Variants in CNTN5 observed in about 807,000 individuals in gnomAD.
CNTN5 encodes the protein contactin-5.
A neutral mutation model predicts 129.1 loss-of-function variants in CNTN5; 77 were observed. The observed-to-expected ratio is 0.60, with a 90% CI of 0.50 to 0.72. CNTN5 has a LOEUF of 0.72. Among genes scored for constraint, CNTN5 ranks in the 30% least tolerant of loss-of-function variants. The pLI, the probability that CNTN5 is intolerant of heterozygous loss-of-function variation, is 0.00. For synonymous variants in CNTN5, 509 were observed against 465.6 expected, an observed-to-expected ratio of 1.09 and a Z score of -1.20; for missense variants, 1,478 against 1,328.8, an observed-to-expected ratio of 1.11 and a Z score of -1.75.
intron 8 of CNTN5, among the ~76,000 whole-genome samples, chr11:100,001,261 G>A (rs908655237): frequency 6.6e-6 from 1 of 152,148 alleles, no homozygotes; most frequent in African/African-American, 2.4e-5. Flanking sequence ...AGACGAGAGA[G>A]AACAGGGAAA....
At chr11:100,271,448 T>C (rs544546211) in intron 18 of CNTN5, among the ~76,000 whole-genome samples, 1 of 152,326 alleles carries the variant, frequency 6.6e-6, no homozygotes, top group South Asian at 2.1e-4. Flanking sequence ...ACAAATACAG[T>C]CATCTAAATG....
intron 15 of CNTN5, among the ~76,000 whole-genome samples, chr11:100,223,071 G>C (rs1003836861): frequency 2.6e-4 from 39 of 152,166 alleles, no homozygotes; most frequent in African/African-American, 9.4e-4. Flanking sequence ...TAGTGAAGAA[G>C]AGAAGATGAA....
intron 18 of CNTN5, among the ~76,000 whole-genome samples, chr11:100,281,333 G>A (rs1325303541): frequency 6.6e-6 from 1 of 151,938 alleles, no homozygotes; most frequent in African/African-American, 2.4e-5. Context: ...TTCTCCTTAT[G>A]TTTGAAGGAT....
Position 99,333,982 on chromosome 11 carries a change from A to T in CNTN5, c.-71+8498A>T, listed in dbSNP as rs900554616. Among the ~76,000 whole-genome samples the T allele has an allele frequency of 1.1e-4, 16 of 151,910 alleles. No homozygotes were observed. In the South Asian group the frequency reaches 2.7e-3, roughly 26 times the overall value. ...TTCTCTCTCTCTCTCTCACACACAC[A>T]CACACACACACACACAGTGCATTGT... On this transcript the variant is annotated intron_variant, in intron 2 of 24. Coordinates refer to ENST00000524871, the MANE Select transcript of CNTN5 (RefSeq NM_014361.4).
At chr11:99,887,664 C>G (rs976054642) in intron 6 of CNTN5, among the ~76,000 whole-genome samples, 1 of 152,168 alleles carries the variant, frequency 6.6e-6, no homozygotes, top group South Asian at 2.1e-4. Flanking sequence ...GGTCTGTGGC[C>G]GAAGGCCTGA....
At chr11:99,173,415 A>T (rs1857623152) in intron 1 of CNTN5, among the ~76,000 whole-genome samples, 1 of 152,108 alleles carries the variant, frequency 6.6e-6, no homozygotes, top group African/African-American at 2.4e-5. Flanking sequence ...AGAAGACATA[A>T]TGTTTTACTT....
chr11:99,077,408 G>A (rs780785553), intron 1 of CNTN5, among the ~76,000 whole-genome samples: 4 of 152,120 alleles, frequency 2.6e-5, no homozygotes, highest in Non-Finnish European at 5.9e-5. Flanking sequence ...TATGGCATTA[G>A]CCTCCACACA....
chr11:99,888,585 T>G (rs1301322237), intron 6 of CNTN5, among the ~76,000 whole-genome samples: 1 of 152,190 alleles, frequency 6.6e-6, no homozygotes. Flanking sequence ...TGAAACAGGC[T>G]TATTTTTATT....
intron 1 of CNTN5, among the ~76,000 whole-genome samples, chr11:99,285,406 C>G (rs1863889065): frequency 6.6e-6 from 1 of 151,992 alleles, no homozygotes; most frequent in Non-Finnish European, 1.5e-5. Context: ...CTGGATACAG[C>G]AGGAATCCTG....
rs562863393 is a variant in CNTN5, at chr11:99,253,336, A to G, written c.-209-72010A>G. 5.9e-5 allele frequency among the ~76,000 whole-genome samples: 9 copies of G among 152,188 alleles called. No individual in the cohort carries two copies. In the East Asian group the frequency reaches 1.5e-3, roughly 26 times the overall value. On this transcript the variant is annotated intron_variant, in intron 1 of 24. Transcript: ENST00000524871. The stretch of plus-strand genomic sequence containing the variant: ...GTGAATCCATTAAATCTCTTTCCTT[A>G]TAAATTACCCAGTCTCAGATATGTC...
chr11:99,032,137 G>A (rs1863421201), intron 1 of CNTN5, among the ~76,000 whole-genome samples: 1 of 152,026 alleles, frequency 6.6e-6, no homozygotes, highest in Non-Finnish European at 1.5e-5. Flanking sequence ...TGGTGTATAT[G>A]TGCCACATTT....
chr11:99,078,580 A>G (rs1415539313), intron 1 of CNTN5, among the ~76,000 whole-genome samples: 1 of 152,346 alleles, frequency 6.6e-6, no homozygotes, highest in East Asian at 1.9e-4. Context: ...TGTGGTGTAT[A>G]TATACACACA....
chr11:99,021,812 C>T (rs920705026), intron 1 of CNTN5, among the ~76,000 whole-genome samples: 12 of 152,052 alleles, frequency 7.9e-5, no homozygotes, highest in African/African-American at 2.9e-4. Flanking sequence ...TTATGCTGAG[C>T]TTTTTTCTAA....
chr11:100,039,020 G>T (rs1179769692), intron 9 of CNTN5, among the ~76,000 whole-genome samples: 1 of 152,108 alleles, frequency 6.6e-6, no homozygotes, highest in Non-Finnish European at 1.5e-5. Context: ...TATGGTGTTA[G>T]CTGGTTATTT....
chr11:99,464,316 C>A (rs1298692061), intron 2 of CNTN5, among the ~76,000 whole-genome samples: 1 of 152,112 alleles, frequency 6.6e-6, no homozygotes, highest in Non-Finnish European at 1.5e-5. Flanking sequence ...CACATGTTAT[C>A]ATTGGAAGTG....
At chr11:99,288,250 A>G (rs1864024139) in intron 1 of CNTN5, among the ~76,000 whole-genome samples, 1 of 151,896 alleles carries the variant, frequency 6.6e-6, no homozygotes, top group Admixed American at 6.6e-5. Flanking sequence ...TATTATCATT[A>G]AAGCATATCT....
chr11:100,066,016 G>C (rs1258887109), intron 10 of CNTN5, among the ~76,000 whole-genome samples: 1 of 151,908 alleles, frequency 6.6e-6, no homozygotes, highest in East Asian at 1.9e-4. Context: ...CTGTTTTATG[G>C]AGAAAAAATT....
At chr11:99,303,360 C>T (rs1349031744) in intron 1 of CNTN5, among the ~76,000 whole-genome samples, 2 of 151,366 alleles carry the variant, frequency 1.3e-5, no homozygotes, top group East Asian at 3.9e-4. Context: ...AAATACTAAA[C>T]TTAGAACACA....
chr11:99,130,158 C>G (rs927049021), intron 1 of CNTN5, among the ~76,000 whole-genome samples: 1 of 151,780 alleles, frequency 6.6e-6, no homozygotes, highest in Non-Finnish European at 1.5e-5. Flanking sequence ...AATTAAAATA[C>G]AAAGAACGGC....
Sources: allele counts gnomAD v4.1 joint callset (sites outside exome capture counted in the v4.1 genomes callset), GRCh38; gene constraint gnomAD v4.1.1; transcripts MANE v1.5; gene names NCBI Gene and HGNC (gene_info 2026-07-23, HGNC 2026-07-21).